Variants in GMDS observed in about 807,000 individuals in gnomAD.
The protein encoded by GMDS is GDP-mannose 4,6 dehydratase.
GMDS carries 20 observed loss-of-function variants against 49.9 expected under a neutral mutation model. The observed-to-expected ratio is 0.40, with a 90% CI of 0.28 to 0.58. GMDS has a LOEUF of 0.58. Ranked by LOEUF, GMDS falls within the 20% of genes least tolerant of loss-of-function variation. The pLI is 0.42. For missense variants in GMDS, 362 were observed against 481.4 expected, an observed-to-expected ratio of 0.75 and a Z score of 2.32; for synonymous variants, 177 against 178.6, an observed-to-expected ratio of 0.99 and a Z score of 0.07.
chr6:1,966,799 C>A (rs758369171), intron 4 of GMDS, among the ~76,000 whole-genome samples: 4 of 152,174 alleles, frequency 2.6e-5, no homozygotes, highest in Non-Finnish European at 5.9e-5. Context: ...AAATAGCACC[C>A]ATTCCAAGCA....
intron 9 of GMDS, among the ~76,000 whole-genome samples, chr6:1,674,226 G>T (rs1764522719): frequency 6.6e-6 from 1 of 152,144 alleles, no homozygotes. Flanking sequence ...TAATAGGATT[G>T]TAGTGGTATC....
At chr6:2,240,262 C>T (rs1053106165) in intron 1 of GMDS, among the ~76,000 whole-genome samples, 3 of 152,196 alleles carry the variant, frequency 2.0e-5, no homozygotes, top group African/African-American at 7.2e-5. Flanking sequence ...AGTAATACCT[C>T]CCACATTCAA....
intron 7 of GMDS, among the ~76,000 whole-genome samples, chr6:1,861,739 G>T (rs1758197610): frequency 1.3e-5 from 2 of 152,180 alleles, no homozygotes; most frequent in Admixed American, 6.5e-5. Flanking sequence ...TGGTGTCGTG[G>T]CCTCTTCTGT....
chr6:1,645,105 T>G (rs1200120207), intron 9 of GMDS, among the ~76,000 whole-genome samples: 1 of 152,018 alleles, frequency 6.6e-6, no homozygotes, highest in African/African-American at 2.4e-5. Context: ...CCAGCTAATT[T>G]TTGTATTTTT....
intron 4 of GMDS, among the ~76,000 whole-genome samples, chr6:1,997,439 C>T (rs752096076): frequency 7.1e-6 from 1 of 141,310 alleles, no homozygotes; most frequent in Non-Finnish European, 1.5e-5. Context: ...ACCTGGGAGG[C>T]GGAGGCTGTA....
At chr6:1,832,862 A>T (rs972836231) in intron 7 of GMDS, among the ~76,000 whole-genome samples, 1 of 152,212 alleles carries the variant, frequency 6.6e-6, no homozygotes, top group East Asian at 1.9e-4. Context: ...TCAGCGGAAA[A>T]GTCAGCATGA....
At chr6:1,854,806 A>T (rs761118710) in intron 7 of GMDS, among the ~76,000 whole-genome samples, 2 of 152,214 alleles carry the variant, frequency 1.3e-5, no homozygotes, top group Non-Finnish European at 2.9e-5. Context: ...CAAAATCTCA[A>T]ATTATCCTGG....
At chr6:2,120,108 A>T (rs181543572) in intron 2 of GMDS, among the ~76,000 whole-genome samples, 4 of 152,356 alleles carry the variant, frequency 2.6e-5, no homozygotes, top group Non-Finnish European at 4.4e-5. Context: ...TATTTAAGTA[A>T]TATCAATAGC....
At chr6:2,050,017 A>G (rs1188097182) in intron 4 of GMDS, among the ~76,000 whole-genome samples, 3 of 152,242 alleles carry the variant, frequency 2.0e-5, no homozygotes, top group African/African-American at 7.2e-5. Context: ...AAAGCAAGAA[A>G]TAACTAAGAT....
At chr6:1,760,342 G>A (rs553903031) in intron 7 of GMDS, among the ~76,000 whole-genome samples, 1 of 152,290 alleles carries the variant, frequency 6.6e-6, no homozygotes, top group East Asian at 1.9e-4. Context: ...TGTATTCAGT[G>A]GTAAGAAGGG....
At chr6:1,992,231 G>T (rs192521227) in intron 4 of GMDS, among the ~76,000 whole-genome samples, 1 of 152,094 alleles carries the variant, frequency 6.6e-6, no homozygotes, top group Admixed American at 6.5e-5. Flanking sequence ...ACTACACAAC[G>T]AATTGGCCCT....
chr6:1,708,854 A>G (rs894868081), intron 9 of GMDS, among the ~76,000 whole-genome samples: 3 of 152,232 alleles, frequency 2.0e-5, no homozygotes, highest in African/African-American at 7.2e-5. Flanking sequence ...GCACCTTTAC[A>G]TGGTAAGTAA....
chr6:1,780,807 T>C (rs1305740637), intron 7 of GMDS, among the ~76,000 whole-genome samples: 1 of 152,252 alleles, frequency 6.6e-6, no homozygotes, highest in Non-Finnish European at 1.5e-5. Flanking sequence ...CTTGTTTTGC[T>C]TTGTTATACA....
At chr6:1,941,182 C>G (rs1048556548) in intron 6 of GMDS, among the ~76,000 whole-genome samples, 1 of 151,902 alleles carries the variant, frequency 6.6e-6, no homozygotes. Context: ...AAGGGTGAGT[C>G]TTCATTTAAC....
At chr6:1,944,282 G>A (rs906521515) in intron 6 of GMDS, among the ~76,000 whole-genome samples, 1 of 152,168 alleles carries the variant, frequency 6.6e-6, no homozygotes, top group African/African-American at 2.4e-5. Context: ...CGAGGCGGAC[G>A]GATCACGAGA....
intron 4 of GMDS, among the ~76,000 whole-genome samples, chr6:2,007,271 A>G (rs1767248469): frequency 1.3e-5 from 2 of 152,154 alleles, no homozygotes; most frequent in South Asian, 4.1e-4. Flanking sequence ...GTGTTACTGA[A>G]TGAACTAACA....
chr6:1,810,384 A>T (rs2113678776), intron 7 of GMDS, among the ~76,000 whole-genome samples: 1 of 152,240 alleles, frequency 6.6e-6, no homozygotes, highest in East Asian at 1.9e-4. Context: ...CTGGGTTCAA[A>T]TGATTCTCCT....
intron 1 of GMDS, among the ~76,000 whole-genome samples, chr6:2,148,993 A>G (rs912043727): frequency 2.0e-5 from 3 of 152,198 alleles, no homozygotes; most frequent in African/African-American, 7.2e-5. Context: ...CATGGTTACG[A>G]ATCATCACAT....
chr6:2,112,930 C>CAAT (rs1429646672), intron 4 of GMDS, among the ~76,000 whole-genome samples: 1 of 152,100 alleles, frequency 6.6e-6, no homozygotes, highest in African/African-American at 2.4e-5. Context: ...TTCCAAGATT[C>CAAT]AATCTTCAGT....
Sources: gnomAD v4.1 joint callset for allele counts (sites outside exome capture counted in the v4.1 genomes callset) on GRCh38, gnomAD v4.1.1 for gene constraint, MANE v1.5 for transcripts, NCBI Gene and HGNC (gene_info 2026-07-23, HGNC 2026-07-21) for gene names.